SEC24D: variants seen among roughly 807,000 people sequenced by gnomAD.
The protein encoded by SEC24D is SEC24 homolog D, COPII component, also known as protein transport protein Sec24D.
Under a neutral mutation model 116.9 loss-of-function variants are expected in SEC24D, and 69 were observed. That is an observed-to-expected ratio of 0.59 (90% CI 0.49 to 0.72). SEC24D has a LOEUF of 0.72. SEC24D is among the 30% of genes least tolerant of loss of function. The pLI is 0.00. For missense variants in SEC24D, 1,131 were observed against 1,264.1 expected (o/e 0.89, Z 1.60); for synonymous variants, 405 against 442.8 (o/e 0.91, Z 1.07).
chr4:118,818,871 C>A (rs974259505), intron 3 of SEC24D, among the ~76,000 whole-genome samples: 1 of 152,086 alleles, frequency 6.6e-6, no homozygotes, highest in African/African-American at 2.4e-5. Flanking sequence ...AACATTGTAA[C>A]CCAAAAATAC....
chr4:118,777,966 T>C, intron 8 of SEC24D, among the ~76,000 whole-genome samples: 1 of 152,236 alleles, frequency 6.6e-6, no homozygotes, highest in Non-Finnish European at 1.5e-5. Context: ...TGTTTTTTTC[T>C]TGTAAATTTG....
In SEC24D at chr4:118,723,131, T is replaced by A. The variant is rs1036649593; in HGVS notation, c.*384A>T. 2 of 155,366 alleles carry A rather than the reference T, an allele frequency of 1.3e-5. No individual in the cohort carries two copies. Among genetic ancestry groups the A allele is most frequent in the African/African-American group, 4.8e-5 (2 of 41,558 alleles). 9.6% of individuals were successfully genotyped at this position (155,366 alleles called of 1,614,324 possible). The stretch of plus-strand genomic sequence containing the variant: ...AATGTAAAAATTAAGCTTTTTTTTC[T>A]CATTGCAATTGGGAGAGGAACTGAG... On this transcript the variant is annotated 3_prime_UTR_variant, in exon 23 of 23. Coordinates refer to ENST00000280551, the MANE Select transcript of SEC24D (RefSeq NM_014822.4).
chr4:118,745,147 T>C, intron 13 of SEC24D, 87 bp from the exon 14 acceptor site: 1 of 760,406 alleles, frequency 1.3e-6, no homozygotes, highest in Non-Finnish European at 2.2e-6. Flanking sequence ...ATATAAGTTC[T>C]TTCTATGAGC....
chr4:118,781,503 C>G (rs1300718499), intron 8 of SEC24D, among the ~76,000 whole-genome samples: 2 of 152,210 alleles, frequency 1.3e-5, no homozygotes, highest in African/African-American at 4.8e-5. Flanking sequence ...CGACCTTTCT[C>G]TCTGGCTGCC....
chr4:118,762,018 C>T (rs1235256661), intron 10 of SEC24D, among the ~76,000 whole-genome samples: 1 of 151,746 alleles, frequency 6.6e-6, no homozygotes, highest in Non-Finnish European at 1.5e-5. Context: ...CCTTACAGCA[C>T]ACAGACAAGT....
chr4:118,745,506 C>T (rs1039629462), intron 13 of SEC24D, among the ~76,000 whole-genome samples: 86 of 152,190 alleles, frequency 5.7e-4, no homozygotes, highest in African/African-American at 2.1e-3. Flanking sequence ...ATTAAAGCTA[C>T]AGTGGTATTT....
In SEC24D at chr4:118,797,833, C is replaced by T. The variant is rs11730993; in HGVS notation, c.914-23G>A. On this transcript the variant is annotated intron_variant, in intron 7 of 22. Coordinates refer to ENST00000280551, the MANE Select transcript of SEC24D (RefSeq NM_014822.4). ...TTCCTGAAACATTCAAAAGGATACA[C>T]TTAAAACTTGTTTAGAAAAAAACCT... is the stretch of plus-strand genomic sequence containing the variant. 0.3 allele frequency: 469,672 copies of T among 1,544,450 alleles called. 75,646 individuals are homozygous for T. The highest frequency in any genetic ancestry group is 0.5 in the Admixed American group (27,465 of 55,480).
chr4:118,780,105 A>G (rs1344784494), intron 8 of SEC24D, among the ~76,000 whole-genome samples: 1 of 151,998 alleles, frequency 6.6e-6, no homozygotes, highest in Non-Finnish European at 1.5e-5. Context: ...TATCTCCTTC[A>G]GTTCTGCTCT....
At chr4:118,732,429 G>A (rs746929677) in intron 20 of SEC24D, among the ~76,000 whole-genome samples, 1 of 152,000 alleles carries the variant, frequency 6.6e-6, no homozygotes, top group Admixed American at 6.6e-5. Context: ...CGTGAGCCAC[G>A]GCACCTGGCC....
At chr4:118,790,305 G>A (rs577801692) in intron 8 of SEC24D, among the ~76,000 whole-genome samples, 1 of 152,108 alleles carries the variant, frequency 6.6e-6, no homozygotes, top group Non-Finnish European at 1.5e-5. Flanking sequence ...TGGTTTATAG[G>A]TGAAATTACT....
chr4:118,748,493 T>C (rs987667021), intron 13 of SEC24D, among the ~76,000 whole-genome samples: 25 of 152,142 alleles, frequency 1.6e-4, no homozygotes, highest in African/African-American at 5.8e-4. Flanking sequence ...CCTACAAAAA[T>C]TTATGTTTTC....
intron 6 of SEC24D, among the ~76,000 whole-genome samples, chr4:118,808,200 T>C (rs1468831363): frequency 1.3e-5 from 2 of 152,148 alleles, no homozygotes; most frequent in East Asian, 1.9e-4. Context: ...GGCTCAAGCT[T>C]TCCTCCTACC....
At chr4:118,827,445 CA>C (rs1469338056) in intron 2 of SEC24D, among the ~76,000 whole-genome samples, 1 of 151,832 alleles carries the variant, frequency 6.6e-6, no homozygotes. Flanking sequence ...CACCCCCCAC[CA>C]AAAAAAATCT....
rs1380056842 is a variant in SEC24D, at chr4:118,824,600, T to C, written c.248+20A>G. On this transcript the variant is annotated intron_variant, in intron 3 of 22. Coordinates refer to ENST00000280551, the MANE Select transcript of SEC24D (RefSeq NM_014822.4). ...TTTTAGGAGAATATACAAACGAAGGTTGGAATCTACCTAGCTCACCTTTGG... is the reference window on the plus strand; with the variant it reads ...TTTTAGGAGAATATACAAACGAAGGCTGGAATCTACCTAGCTCACCTTTGG... The C allele has an allele frequency of 2.5e-6, 4 of 1,594,586 alleles. No individual in the cohort carries two copies. The highest frequency in any genetic ancestry group is 2.6e-6 in the Non-Finnish European group (3 of 1,173,384).
At chr4:118,797,905 T>A in intron 7 of SEC24D, 95 bp from the exon 8 acceptor site, 2 of 913,474 alleles carry the variant, frequency 2.2e-6, no homozygotes, top group Non-Finnish European at 3.1e-6. Context: ...AGATAATGCA[T>A]TGCATTATTT....
intron 2 of SEC24D, among the ~76,000 whole-genome samples, chr4:118,831,724 C>G (rs1484200379): frequency 6.6e-6 from 1 of 151,798 alleles, no homozygotes. Context: ...TACCCCTGGT[C>G]TAGAGCTTAG....
chr4:118,781,870 G>A (rs995103843), intron 8 of SEC24D, among the ~76,000 whole-genome samples: 35 of 152,160 alleles, frequency 2.3e-4, no homozygotes, highest in Middle Eastern at 3.4e-3. Flanking sequence ...TCCACTTGAA[G>A]GAATCGGCTA....
At chr4:118,757,314 TC>T (rs559046252) in intron 11 of SEC24D, among the ~76,000 whole-genome samples, 2 of 152,186 alleles carry the variant, frequency 1.3e-5, no homozygotes, top group African/African-American at 2.4e-5. Context: ...TGCTTAAAAA[TC>T]TACCATCTCT....
intron 16 of SEC24D, 44 bp downstream of exon 16, chr4:118,740,897 A>T: frequency 6.3e-7 from 1 of 1,593,828 alleles, no homozygotes; most frequent in African/African-American, 1.3e-5. Context: ...AAAAAGAAAC[A>T]ATTATTCAAG....
Sources: allele counts gnomAD v4.1 joint callset (sites outside exome capture counted in the v4.1 genomes callset), GRCh38; gene constraint gnomAD v4.1.1; transcripts MANE v1.5; gene names NCBI Gene and HGNC (gene_info 2026-07-23, HGNC 2026-07-21).